SREK1: variants seen among roughly 807,000 people sequenced by gnomAD.
SREK1 encodes the protein splicing regulatory glutamine/lysine-rich protein 1.
A neutral mutation model predicts 66.5 loss-of-function variants in SREK1; 13 were observed. The observed-to-expected ratio is 0.20, with a 90% confidence interval of 0.13 to 0.31. The LOEUF (loss-of-function observed/expected upper bound fraction) is 0.31, where lower values mean the gene tolerates loss of function less well. Among genes scored for constraint, SREK1 ranks in the 10% least tolerant of loss-of-function variants. The pLI, the probability that SREK1 is intolerant of heterozygous loss-of-function variation, is 1.00. For synonymous variants in SREK1, 265 were observed against 263.5 expected, an observed-to-expected ratio of 1.01 and a Z score of -0.05; for missense variants, 607 against 769.6, an observed-to-expected ratio of 0.79 and a Z score of 2.50.
chr5:66,146,291 A>G lies in SREK1; in HGVS notation c.161+1754A>G, dbSNP rs112412344. On this transcript the variant is annotated intron_variant, in intron 1 of 11. Coordinates refer to ENST00000334121, the MANE Select transcript of SREK1 (RefSeq NM_001077199.3). ...ATCTTGCTTTCAAGGCTGTGGTAATAAGGTATCTCATAGGTAGAAGAAATA... is the reference window on the plus strand; with the variant it reads ...ATCTTGCTTTCAAGGCTGTGGTAATGAGGTATCTCATAGGTAGAAGAAATA... Among the ~76,000 whole-genome samples the G allele has an allele frequency of 5.9e-5, 9 of 152,250 alleles. 1 individual carries two copies. The highest frequency in any genetic ancestry group is 2.2e-4 in the African/African-American group (9 of 41,550).
intron 5 of SREK1, 69 bp downstream of exon 5, chr5:66,162,661 GC>G: frequency 6.9e-7 from 1 of 1,446,854 alleles, no homozygotes; most frequent in Non-Finnish European, 9.3e-7. Flanking sequence ...TGTAATGAAG[GC>G]TTTTTTTTTC....
intron 6 of SREK1, 22 bp downstream of exon 6, chr5:66,163,944 A>G (rs778292602): frequency 1.2e-5 from 19 of 1,609,016 alleles, no homozygotes; most frequent in South Asian, 4.4e-5. Context: ...ACGTTGTTAC[A>G]TAGGTCATAG....
At chr5:66,163,557 G>T in intron 5 of SREK1, 2 of 351,414 alleles carry the variant, frequency 5.7e-6, no homozygotes, top group Non-Finnish European at 5.2e-6. Context: ...AATTAAGTTA[G>T]CTAGGGTTCA....
chr5:66,164,140 AATCAGCTCT>A (rs1744981283), intron 6 of SREK1: 2 of 478,190 alleles, frequency 4.2e-6, no homozygotes, highest in Non-Finnish European at 7.1e-6. Context: ...AGTCTGAGCT[AATCAGCTCT>A]GTATTTTCAT....
At chr5:66,163,723 TATAA>T in intron 5 of SREK1, 65 bp from the exon 6 acceptor site, 1 of 1,506,930 alleles carries the variant, frequency 6.6e-7, no homozygotes, top group Non-Finnish European at 9.0e-7. Flanking sequence ...ATGTGTATCA[TATAA>T]ATGTTTGTTT....
chr5:66,159,356 A>G, intron 3 of SREK1, 22 bp downstream of exon 3: 1 of 1,576,294 alleles, frequency 6.3e-7, no homozygotes, highest in East Asian at 2.3e-5. Flanking sequence ...AAGCTGGCTT[A>G]TGAAAGAGGT....
chr5:66,151,659 A>T (rs1406015161), intron 1 of SREK1, among the ~76,000 whole-genome samples: 2 of 152,054 alleles, frequency 1.3e-5, no homozygotes, highest in African/African-American at 4.8e-5. Context: ...TGATTTGGTC[A>T]TGTAAAGGTG....
rs1476059316 is a variant in SREK1 at position 66,144,434 on chromosome 5, G to C, written c.58G>C (p.Val20Leu). The C allele has an allele frequency of 6.4e-7, 1 of 1,551,758 alleles. No homozygotes were observed. The highest frequency in any genetic ancestry group is 8.7e-7 in the Non-Finnish European group (1 of 1,147,024). ...GLGFGLTPTSVIQVTNLSSAV... is the reference protein window; with the variant it reads ...GLGFGLTPTSLIQVTNLSSAV... Reference sequence around the variant, plus strand: ...AGGCTTCGGCCTCACCCCCACGTCGGTGATTCAGGTGACGAATCTGTCGTC... The same window carrying C: ...AGGCTTCGGCCTCACCCCCACGTCGCTGATTCAGGTGACGAATCTGTCGTC... Residue 20 changes from valine to leucine, a missense_variant, in exon 1 of 12, where the codon GTG (valine) becomes CTG (leucine). Physicochemically the swap from Val to Leu is conservative, Grantham distance 32 (BLOSUM62 1). This residue lies in a region of SREK1 where 75 missense variants were observed against 72.9 expected (regional missense o/e 1.03). Coordinates refer to ENST00000334121, the MANE Select transcript of SREK1 (RefSeq NM_001077199.3).
chr5:66,154,177 GA>G (rs1293895489), intron 2 of SREK1, among the ~76,000 whole-genome samples: 3 of 152,180 alleles, frequency 2.0e-5, no homozygotes, highest in African/African-American at 7.2e-5. Context: ...GGAAAAAAAG[GA>G]AAGCAATTTT....
intron 10 of SREK1, among the ~76,000 whole-genome samples, chr5:66,176,965 A>G (rs916840348): frequency 6.6e-5 from 10 of 152,040 alleles, no homozygotes; most frequent in Non-Finnish European, 4.4e-5. Context: ...TTAGGATACT[A>G]TAGATGCAGG....
intron 2 of SREK1, chr5:66,156,367 G>T (rs751264177): frequency 9.7e-5 from 118 of 1,218,630 alleles, no homozygotes; most frequent in Admixed American, 4.0e-5. Context: ...GGTTCATAAC[G>T]TGTTGCAAAT....
At chr5:66,169,125 C>T (rs191571789) in intron 7 of SREK1, 1 of 152,140 alleles carries the variant, frequency 6.6e-6, no homozygotes, top group African/African-American at 2.4e-5. Context: ...TGTTTTGTTA[C>T]AATTTAATAA....
intron 10 of SREK1, among the ~76,000 whole-genome samples, chr5:66,175,618 G>A (rs978001830): frequency 6.6e-6 from 1 of 152,138 alleles, no homozygotes. Context: ...GCATTGTTAA[G>A]TTAGATAATA....
chr5:66,147,471 T>C (rs918339197), intron 1 of SREK1, among the ~76,000 whole-genome samples: 9 of 152,188 alleles, frequency 5.9e-5, no homozygotes, highest in Admixed American at 5.9e-4. Flanking sequence ...CAGCACACAG[T>C]CAGGATTATC....
intron 1 of SREK1, among the ~76,000 whole-genome samples, chr5:66,147,050 T>C (rs1041694941): frequency 6.6e-6 from 1 of 151,954 alleles, no homozygotes; most frequent in African/African-American, 2.4e-5. Flanking sequence ...GAGACCCCTA[T>C]CTCTTAAAAA....
At position 66,182,815 on chromosome 5, in the gene SREK1, GCCTCA is replaced by G. The variant is rs1746602020; in HGVS notation, c.*3948_*3952del. ...ACTCCTGGGCTCAAACAATCTGTCT[GCCTCA>G]GCCTTCTAAAGTGCTGAGATTACAG... On this transcript the variant is annotated 3_prime_UTR_variant, in exon 12 of 12. Coordinates refer to ENST00000334121, the MANE Select transcript of SREK1 (RefSeq NM_001077199.3). 1 of 152,112 alleles carries G rather than the reference GCCTCA, an allele frequency of 6.6e-6. No homozygotes were observed. 9.4% of individuals were successfully genotyped at this position (152,112 alleles called of 1,614,324 possible). A position where few individuals can be genotyped will look rare whatever the true frequency, so the allele number is the denominator to read the frequency against.
intron 2 of SREK1, chr5:66,156,374 A>C (rs1245678938): frequency 2.5e-6 from 3 of 1,201,934 alleles, no homozygotes; most frequent in East Asian, 8.0e-5. Context: ...AACGTGTTGC[A>C]AATTATATTG....
Position 66,153,704 on chromosome 5 carries a change from A to T in SREK1, c.295+108A>T. 2.1e-6 allele frequency: 3 copies of T among 1,411,202 alleles called. No individual in the cohort carries two copies. In the Admixed American group the frequency reaches 7.1e-5, roughly 33 times the overall value. The allele number at this position is 1,411,202 out of a possible 1,614,324, so 87.4% of individuals were successfully genotyped here. The stretch of plus-strand genomic sequence containing the variant: ...AGACAGTACTCTTGGTGTGTGTGTG[A>T]AAGTAAGAATGAAATTTGGAGGAGG... On this transcript the variant is annotated intron_variant, in intron 2 of 11. Transcript: ENST00000334121.
chr5:66,162,571 T>G lies in SREK1; in HGVS notation c.734T>G (p.Met245Arg). The G allele has an allele frequency of 6.2e-7, 1 of 1,612,448 alleles. No homozygotes were observed. Among genetic ancestry groups the G allele is most frequent in the Non-Finnish European group, 8.5e-7 (1 of 1,179,052 alleles). ...VPRALAFNGV[M>R]FGDRPLKINH... The stretch of plus-strand genomic sequence containing the variant: ...AGGGCCCTTGCTTTTAATGGAGTTA[T>G]GTTTGGAGACAGGCCACTGAAGTAA... Residue 245 changes from methionine to arginine, a missense_variant, in exon 5 of 12, where the codon ATG (methionine) becomes AGG (arginine). Coordinates refer to ENST00000334121, the MANE Select transcript of SREK1 (RefSeq NM_001077199.3).
Sources: gnomAD v4.1 joint callset for allele counts (sites outside exome capture counted in the v4.1 genomes callset) on GRCh38, gnomAD v4.1.1 for gene constraint, gnomAD v4.1.1 regional missense constraint, MANE v1.5 for transcripts, NCBI Gene and HGNC (gene_info 2026-07-23, HGNC 2026-07-21) for gene names.